The following GPR158 variants were observed in gnomAD, a reference collection of about 807,000 sequenced individuals.
GPR158 encodes G protein-coupled receptor 158, also known as metabotropic glycine receptor.
A neutral mutation model predicts 78.2 loss-of-function variants in GPR158; 30 were observed. The observed-to-expected ratio is 0.38, with a 90% CI of 0.29 to 0.52. The LOEUF (loss-of-function observed/expected upper bound fraction) is 0.52, where lower values mean the gene tolerates loss of function less well. GPR158 is among the 20% of genes least tolerant of loss of function. GPR158 has a pLI of 0.83. For missense variants in GPR158, 1,463 were observed against 1,523.5 expected, an observed-to-expected ratio of 0.96 and a Z score of 0.66; for synonymous variants, 581 against 591.1, an observed-to-expected ratio of 0.98 and a Z score of 0.25.
At chr10:25,455,047 G>GT (rs1421228473) in intron 4 of GPR158, among the ~76,000 whole-genome samples, 1 of 152,124 alleles carries the variant, frequency 6.6e-6, no homozygotes, top group African/African-American at 2.4e-5. Context: ...TTTCTAGCCT[G>GT]TATATGTATT....
chr10:25,400,831 A>G (rs1384177366), intron 3 of GPR158, among the ~76,000 whole-genome samples: 1 of 152,172 alleles, frequency 6.6e-6, no homozygotes, highest in Non-Finnish European at 1.5e-5. Flanking sequence ...TCCAAATCCA[A>G]ATTTACAAGT....
chr10:25,236,255 CA>C (rs1252635086), intron 2 of GPR158, among the ~76,000 whole-genome samples: 2 of 152,092 alleles, frequency 1.3e-5, no homozygotes, highest in African/African-American at 4.8e-5. Flanking sequence ...CCTGTAATGC[CA>C]GCACTTTGGG....
At chr10:25,430,889 G>A (rs1209825369) in intron 4 of GPR158, among the ~76,000 whole-genome samples, 1 of 151,720 alleles carries the variant, frequency 6.6e-6, no homozygotes, top group Non-Finnish European at 1.5e-5. Flanking sequence ...TTAACCGTTA[G>A]ACCTAAAACC....
intron 4 of GPR158, among the ~76,000 whole-genome samples, chr10:25,429,909 G>C (rs1441939025): frequency 1.4e-5 from 2 of 140,044 alleles, no homozygotes; most frequent in African/African-American, 5.5e-5. Flanking sequence ...ATATCATACT[G>C]AATGGGCAAA....
At chr10:25,503,346 C>T (rs533222830) in intron 5 of GPR158, among the ~76,000 whole-genome samples, 1 of 143,168 alleles carries the variant, frequency 7.0e-6, no homozygotes, top group East Asian at 2.2e-4. Context: ...CACTGCACTC[C>T]TATCTGGGAC....
At chr10:25,308,300 C>CCT (rs1244906244) in intron 2 of GPR158, among the ~76,000 whole-genome samples, 4 of 152,080 alleles carry the variant, frequency 2.6e-5, no homozygotes, top group Non-Finnish European at 4.4e-5. Context: ...GCTCTCCCGA[C>CCT]TCAAACCTAC....
At chr10:25,448,293 T>G (rs1382824980) in intron 4 of GPR158, among the ~76,000 whole-genome samples, 3 of 151,900 alleles carry the variant, frequency 2.0e-5, no homozygotes, top group African/African-American at 4.8e-5. Context: ...GGTTTCACCG[T>G]GTTAGCCAGG....
At chr10:25,534,669 G>T (rs114883601) in intron 5 of GPR158, among the ~76,000 whole-genome samples, 8 of 151,806 alleles carry the variant, frequency 5.3e-5, no homozygotes, top group African/African-American at 1.9e-4. Context: ...CAGGAGAATC[G>T]CTTGAACCCA....
chr10:25,527,108 A>G (rs896199284), intron 5 of GPR158, among the ~76,000 whole-genome samples: 1 of 145,270 alleles, frequency 6.9e-6, no homozygotes, highest in Non-Finnish European at 1.5e-5. Context: ...CTAAACATAT[A>G]TGCACATAAT....
chr10:25,241,149 CT>C (rs1853602166), intron 2 of GPR158, among the ~76,000 whole-genome samples: 2 of 114,082 alleles, frequency 1.8e-5, no homozygotes, highest in African/African-American at 8.3e-5. Context: ...TTCTTTCTTT[CT>C]TTCTTTCTTT....
chr10:25,491,165 C>T (rs558196469), intron 5 of GPR158, among the ~76,000 whole-genome samples: 1 of 152,066 alleles, frequency 6.6e-6, no homozygotes, highest in Non-Finnish European at 1.5e-5. Flanking sequence ...CACATCAAAG[C>T]TTTTCTATAG....
intron 5 of GPR158, among the ~76,000 whole-genome samples, chr10:25,478,104 G>T (rs1835613780): frequency 6.6e-6 from 1 of 152,136 alleles, no homozygotes; most frequent in Non-Finnish European, 1.5e-5. Flanking sequence ...CATATTCTAG[G>T]ATGTATGGTT....
At chr10:25,597,659 G>A in intron 10 of GPR158, 113 bp from the exon 11 acceptor site, 1 of 664,884 alleles carries the variant, frequency 1.5e-6, no homozygotes. Flanking sequence ...AAGCTGTAGA[G>A]CAGTTGCCCC....
At chr10:25,272,337 A>G (rs776024748) in intron 2 of GPR158, among the ~76,000 whole-genome samples, 16 of 152,166 alleles carry the variant, frequency 1.1e-4, no homozygotes, top group Non-Finnish European at 1.6e-4. Flanking sequence ...ATGAAAGAAA[A>G]TTTTGATATG....
intron 2 of GPR158, among the ~76,000 whole-genome samples, chr10:25,243,672 T>G (rs1377164730): frequency 6.6e-6 from 1 of 152,226 alleles, no homozygotes; most frequent in Non-Finnish European, 1.5e-5. Flanking sequence ...CAATTTTATT[T>G]AATTGTGTCT....
At chr10:25,523,772 T>C (rs1383000976) in intron 5 of GPR158, among the ~76,000 whole-genome samples, 1 of 152,122 alleles carries the variant, frequency 6.6e-6, no homozygotes, top group Admixed American at 6.5e-5. Context: ...CACACAATGA[T>C]TTATACTGTT....
intron 2 of GPR158, among the ~76,000 whole-genome samples, chr10:25,304,587 A>G (rs1854642194): frequency 6.6e-6 from 1 of 152,034 alleles, no homozygotes; most frequent in African/African-American, 2.4e-5. Context: ...TATATGTAAC[A>G]TATATAACTC....
intron 2 of GPR158, among the ~76,000 whole-genome samples, chr10:25,395,404 T>A (rs1447285077): frequency 6.6e-6 from 1 of 152,176 alleles, no homozygotes; most frequent in Admixed American, 6.5e-5. Context: ...TTTTATCAAT[T>A]TGTGTTATTT....
intron 5 of GPR158, among the ~76,000 whole-genome samples, chr10:25,522,866 CA>C (rs1564479040): frequency 1.3e-5 from 2 of 152,172 alleles, no homozygotes; most frequent in South Asian, 2.1e-4. Flanking sequence ...GTGATTGTAA[CA>C]AAATTTATAC....
Sources: gnomAD v4.1 joint callset for allele counts (sites outside exome capture counted in the v4.1 genomes callset) on GRCh38, gnomAD v4.1.1 for gene constraint, MANE v1.5 for transcripts, NCBI Gene and HGNC (gene_info 2026-07-23, HGNC 2026-07-21) for gene names.